Variants in LYSMD2 observed in about 807,000 individuals in gnomAD.
The protein encoded by LYSMD2 is LysM domain containing 2.
A neutral mutation model predicts 17.7 loss-of-function variants in LYSMD2; 6 were observed. The ratio of observed to expected loss-of-function variants is 0.34; its 90% CI spans 0.19 to 0.67. LYSMD2 has a LOEUF of 0.67. LYSMD2 is among the 30% of genes least tolerant of loss of function. LYSMD2 has a pLI of 0.69. For synonymous variants in LYSMD2, 102 were observed against 129.8 expected, an observed-to-expected ratio of 0.79 and a Z score of 1.45; for missense variants, 237 against 286.7, an observed-to-expected ratio of 0.83 and a Z score of 1.25.
chr15:51,736,177 G>A (rs1291074734), intron 1 of LYSMD2, among the ~76,000 whole-genome samples: 2 of 152,126 alleles, frequency 1.3e-5, no homozygotes, highest in Admixed American at 1.3e-4. Context: ...CAAGACAAAC[G>A]CAATGCCTGC....
At chr15:51,730,635 C>T (rs776426864) in intron 1 of LYSMD2, among the ~76,000 whole-genome samples, 2 of 152,194 alleles carry the variant, frequency 1.3e-5, no homozygotes, top group Non-Finnish European at 2.9e-5. Context: ...GAACTCTTCC[C>T]ATCTTGGGCC....
chr15:51,739,487 G>A (rs769478401), upstream of LYSMD2, among the ~76,000 whole-genome samples: 12 of 152,218 alleles, frequency 7.9e-5, no homozygotes, highest in Non-Finnish European at 1.0e-4. Context: ...ACCCAAGAGA[G>A]AGGCAGAATT....
In LYSMD2 at chr15:51,751,283, T is replaced by C. The variant is rs1183693195; in HGVS notation, c.-13A>G. 5.7e-6 allele frequency: 4 copies of C among 702,320 alleles called. No homozygotes were observed. The Admixed American group carries it at 6.0e-5, about 11-fold the overall frequency. 43.5% of individuals were successfully genotyped at this position (702,320 alleles called of 1,614,324 possible). A position where few individuals can be genotyped will look rare whatever the true frequency, so the allele number is the denominator to read the frequency against. ...GCGGGGTCTGTACCTGAGACCGCTC[T>C]CAACGCGGCTTCCGTGTCAGGATGC... On this transcript the variant is annotated 5_prime_UTR_variant, in exon 1 of 3. Transcript: ENST00000454181.
At chr15:51,746,637 TAGAGAG>T (rs1362759475) in intron 1 of LYSMD2, among the ~76,000 whole-genome samples, 1 of 152,110 alleles carries the variant, frequency 6.6e-6, no homozygotes, top group East Asian at 1.9e-4. Flanking sequence ...AAACTGTATT[TAGAGAG>T]AGAGAAAGAG....
chr15:51,737,656 G>C (rs2055620357), upstream of LYSMD2: 7 of 1,201,642 alleles, frequency 5.8e-6, no homozygotes. The surrounding 1 kb of genome is among the most constrained non-coding windows in gnomAD (Gnocchi z 4.2). Context: ...CGGGGAGCTT[G>C]CCAAGGGGGC....
intron 1 of LYSMD2, among the ~76,000 whole-genome samples, chr15:51,726,446 C>T (rs2055540602): frequency 6.6e-6 from 1 of 152,244 alleles, no homozygotes; most frequent in South Asian, 2.1e-4. Flanking sequence ...ACTAAGCCCT[C>T]CCCTGGCTCC....
rs1567226534 is a variant in LYSMD2 at position 51,724,807 on chromosome 15, C to T, written c.588G>A (p.Lys196=). 1 of 1,613,044 alleles carries T rather than the reference C, an allele frequency of 6.2e-7. No homozygotes were observed. The highest frequency in any genetic ancestry group is 1.3e-5 in the African/African-American group (1 of 75,016). Residue 196 remains lysine (K), a synonymous_variant, in exon 2 of 3, where the codon AAG becomes AAA. Coordinates refer to ENST00000267838, the MANE Select transcript of LYSMD2 (RefSeq NM_153374.3). ...QIKLSTQAAK[K]LKEESRDEES... Reference sequence around the variant, plus strand: ...ATTCTTACCTGCTCTCTTCTTTTAGCTTCTTGGCTGCCTGTGTTGATAACT... The same window carrying T: ...ATTCTTACCTGCTCTCTTCTTTTAGTTTCTTGGCTGCCTGTGTTGATAACT...
Position 51,725,095 on chromosome 15 carries a change from T to C in LYSMD2, c.300A>G (p.Lys100=). The change falls in exon 2 of 3, where the codon AAA becomes AAG. Residue 100 remains lysine, a synonymous_variant. Coordinates refer to ENST00000267838, the MANE Select transcript of LYSMD2 (RefSeq NM_153374.3). ...VTMEQIKRAN[K]LFTNDCIFLK... is the part of the protein sequence containing the mutation. ...GAAATATACAATCATTGGTAAACAG[T>C]TTATTGGCCCTTTTAATCTGTTCCA... The C allele has an allele frequency of 6.2e-7, 1 of 1,606,582 alleles. No homozygotes were observed.
intron 1 of LYSMD2, among the ~76,000 whole-genome samples, chr15:51,728,396 AACAC>A (rs61106396): frequency 0.15 from 21,901 of 144,672 alleles, 1,702 homozygotes; most frequent in Admixed American, 0.23. Flanking sequence ...TCCAGGAGAA[AACAC>A]ACACACACAC....
upstream of LYSMD2, chr15:51,737,672 C>T: frequency 1.7e-6 from 2 of 1,177,566 alleles, no homozygotes; most frequent in Non-Finnish European, 2.1e-6. The surrounding 1 kb of genome is among the most constrained non-coding windows in gnomAD (Gnocchi z 4.2). Flanking sequence ...GGGGCGGCGC[C>T]TCCTCCTCCT....
chr15:51,734,970 T>A (rs2055599373), intron 1 of LYSMD2, among the ~76,000 whole-genome samples: 1 of 151,830 alleles, frequency 6.6e-6, no homozygotes, highest in Non-Finnish European at 1.5e-5. Flanking sequence ...AGCCCAGGAG[T>A]TCCAGACCAG....
intron 1 of LYSMD2, among the ~76,000 whole-genome samples, chr15:51,734,534 T>C (rs1344437060): frequency 6.6e-6 from 1 of 152,166 alleles, no homozygotes; most frequent in Non-Finnish European, 1.5e-5. Flanking sequence ...ACCAAAGGAC[T>C]GAAGTCCTGC....
chr15:51,724,956 C>T lies in LYSMD2; in HGVS notation c.439G>A (p.Glu147Lys), dbSNP rs1380872157. 1 of 1,614,016 alleles carries T rather than the reference C, an allele frequency of 6.2e-7. No homozygotes were observed. The highest frequency in any genetic ancestry group is 1.7e-5 in the Admixed American group (1 of 60,008). The change falls in exon 2 of 3, where the codon GAG becomes AAG. Residue 147 changes from glutamate to lysine, a missense_variant. Transcript: ENST00000267838. ...TCTTCCCCGGCCACCACTGGCTCCT[C>T]TTCCTGAGAAAAACTGTTATCAGCA... Reference protein sequence around the residue: ...ETADNSFSQEEEPVVAGEDLP... With the variant: ...ETADNSFSQEKEPVVAGEDLP...
intron 1 of LYSMD2, among the ~76,000 whole-genome samples, chr15:51,735,806 G>C (rs1178419665): frequency 6.6e-6 from 1 of 152,230 alleles, no homozygotes; most frequent in Non-Finnish European, 1.5e-5. Flanking sequence ...GTGGGTCACA[G>C]AGAGATTGCA....
At chr15:51,733,108 G>GT (rs2055586796) in intron 1 of LYSMD2, among the ~76,000 whole-genome samples, 1 of 152,058 alleles carries the variant, frequency 6.6e-6, no homozygotes, top group South Asian at 2.1e-4. Context: ...CTCCTGGAAG[G>GT]TGCCAATTAT....
At position 51,723,034 on chromosome 15, in the gene LYSMD2, T is replaced by A. The variant is rs1464776383; in HGVS notation, c.*573A>T. On this transcript the variant is annotated 3_prime_UTR_variant, in exon 3 of 3. Transcript: ENST00000267838. ...TGTATAATTTAAAAGTCAATTTTAT[T>A]TTCTCATTTGTTAAAAAAAAAAAGG... 1 of 151,994 alleles carries A rather than the reference T, an allele frequency of 6.6e-6. No homozygotes were observed. Among genetic ancestry groups the A allele is most frequent in the East Asian group, 1.9e-4 (1 of 5,182 alleles). 9.4% of individuals were successfully genotyped at this position (151,994 alleles called of 1,614,324 possible).
chr15:51,750,352 G>T (rs891506262), intron 1 of LYSMD2, among the ~76,000 whole-genome samples: 3 of 152,142 alleles, frequency 2.0e-5, no homozygotes, highest in South Asian at 2.1e-4. Flanking sequence ...ACGTTTTTTT[G>T]GCCACACGAT....
In LYSMD2 at chr15:51,737,365, G is replaced by T. The variant is rs1456432977; in HGVS notation, c.258C>A (p.Leu86=). 1.4e-6 allele frequency: 2 copies of T among 1,447,782 alleles called. No homozygotes were observed. Among genetic ancestry groups the T allele is most frequent in the South Asian group, 1.3e-5 (1 of 75,158 alleles). 89.7% of individuals were successfully genotyped at this position (1,447,782 alleles called of 1,614,324 possible). A position where few individuals can be genotyped will look rare whatever the true frequency, so the allele number is the denominator to read the frequency against. ...RAGDTLQGIA[L]KYGVTMEQIK... is the part of the protein sequence containing the mutation. ...CCCTGCTCACCGTGACACCGTACTT[G>T]AGCGCGATGCCCTGCAGCGTGTCGC... Residue 86 remains leucine, a synonymous_variant, in exon 1 of 3, where the codon CTC becomes CTA. Transcript: ENST00000267838. The surrounding 1 kb of genome is among the most constrained non-coding windows in gnomAD (Gnocchi z 4.2).
At chr15:51,735,447 T>A (rs1465319880) in intron 1 of LYSMD2, among the ~76,000 whole-genome samples, 1 of 152,214 alleles carries the variant, frequency 6.6e-6, no homozygotes, top group African/African-American at 2.4e-5. Context: ...GAGATGCTGC[T>A]AAATATTCTA....
Sources: gnomAD v4.1 joint callset for allele counts (sites outside exome capture counted in the v4.1 genomes callset) on GRCh38, gnomAD v4.1.1 for gene constraint, Gnocchi (gnomAD v3.1) non-coding constraint, MANE v1.5 for transcripts, NCBI Gene and HGNC (gene_info 2026-07-23, HGNC 2026-07-21) for gene names.